The following DMGDH variants were observed in gnomAD, a reference collection of about 807,000 sequenced individuals.
The protein encoded by DMGDH is dimethylglycine dehydrogenase.
A neutral mutation model predicts 95.2 loss-of-function variants in DMGDH; 76 were observed. That is an observed-to-expected ratio of 0.80 (90% CI 0.66 to 0.97). The LOEUF is 0.97. Among genes scored for constraint, DMGDH ranks in the 50% least tolerant of loss-of-function variants. The probability of loss-of-function intolerance (pLI) is 0.00; values close to 1 mark genes in which losing one functional copy is unlikely to be tolerated. For missense variants in DMGDH, 987 were observed against 1,055.0 expected (o/e 0.94, Z 0.89); for synonymous variants, 345 against 377.6 (o/e 0.91, Z 1.00).
intron 14 of DMGDH, among the ~76,000 whole-genome samples, chr5:79,017,861 G>A (rs775930166): frequency 2.0e-4 from 30 of 152,150 alleles, no homozygotes; most frequent in Non-Finnish European, 3.2e-4. Flanking sequence ...ACAAACTGCC[G>A]GACTTCAAGC....
At chr5:79,056,497 C>T (rs1755034003) in intron 2 of DMGDH, among the ~76,000 whole-genome samples, 1 of 151,878 alleles carries the variant, frequency 6.6e-6, no homozygotes, top group African/African-American at 2.4e-5. Context: ...GAGCCAAGAT[C>T]ACGCCTCTGC....
chr5:79,029,262 T>C (rs1425672102), intron 11 of DMGDH, among the ~76,000 whole-genome samples: 1 of 152,216 alleles, frequency 6.6e-6, no homozygotes, highest in African/African-American at 2.4e-5. Context: ...CCAGTACATC[T>C]TGGATTGGAG....
chr5:79,022,502 G>T (rs1007103768), intron 14 of DMGDH, among the ~76,000 whole-genome samples: 2 of 152,178 alleles, frequency 1.3e-5, no homozygotes, highest in Non-Finnish European at 2.9e-5. Flanking sequence ...GAAAAAGACT[G>T]GCTCAGTTGG....
At chr5:79,067,967 G>C (rs1238642189) in intron 1 of DMGDH, among the ~76,000 whole-genome samples, 1 of 152,208 alleles carries the variant, frequency 6.6e-6, no homozygotes, top group Non-Finnish European at 1.5e-5. Context: ...CCAGGCTGGA[G>C]TGCAGTGGTG....
intron 10 of DMGDH, 25 bp from the exon 11 acceptor site, chr5:79,030,059 C>G: frequency 6.2e-7 from 1 of 1,601,066 alleles, no homozygotes; most frequent in South Asian, 1.1e-5. Flanking sequence ...TAAAAATTAC[C>G]TTAGGATGAA....
Position 79,063,644 on chromosome 5 carries a change from G to T in DMGDH, c.245C>A (p.Ser82Ter), listed in dbSNP as rs1432914482. The change falls in exon 2 of 16, where the codon TCA becomes TAA. Residue 82 changes from serine (S) to a stop codon, truncating the protein, a stop_gained. Transcript: ENST00000255189. LOFTEE classifies it high-confidence loss of function. ...GMKDVVLLEK[S>*]ELTAGSTWHA... ...CCAGGTAGATCCAGCCGTGAGCTCT[G>T]ATTTCTCCAGCAGGACCACATCTTT... The T allele has an allele frequency of 1.2e-6, 2 of 1,614,184 alleles. No homozygotes were observed. Among genetic ancestry groups the T allele is most frequent in the Non-Finnish European group, 1.7e-6 (2 of 1,180,030 alleles).
At chr5:79,057,676 A>C (rs908200089) in intron 2 of DMGDH, among the ~76,000 whole-genome samples, 1 of 152,196 alleles carries the variant, frequency 6.6e-6, no homozygotes, top group Non-Finnish European at 1.5e-5. Flanking sequence ...ACATGTTGGT[A>C]TCCAGTGTGC....
At chr5:79,066,386 T>C (rs786155) in intron 1 of DMGDH, among the ~76,000 whole-genome samples, 127,518 of 151,882 alleles carry the variant, frequency 0.84, 53,680 homozygotes, top group East Asian at 0.93. Context: ...CCCAGGTTCA[T>C]GCCATTCTCC....
intron 2 of DMGDH, 22 bp from the exon 3 acceptor site, chr5:79,055,930 A>C: frequency 7.0e-7 from 1 of 1,438,086 alleles, no homozygotes; most frequent in Non-Finnish European, 9.8e-7. Flanking sequence ...AGAGGAAAAG[A>C]AATACTGAAA....
At chr5:79,009,365 C>CT (rs34398829) in intron 14 of DMGDH, among the ~76,000 whole-genome samples, 18,287 of 132,382 alleles carry the variant, frequency 0.14, 1,556 homozygotes, top group Non-Finnish European at 0.19. Context: ...CTTTTCTTTT[C>CT]TTTTTTTTTT....
intron 10 of DMGDH, 115 bp from the exon 11 acceptor site, chr5:79,030,149 T>C: frequency 1.1e-6 from 1 of 882,766 alleles, no homozygotes; most frequent in South Asian, 1.8e-5. Flanking sequence ...TGAATCTTAC[T>C]GTTTGTGTCA....
At chr5:79,000,732 A>C in intron 15 of DMGDH, 1 of 628,414 alleles carries the variant, frequency 1.6e-6, no homozygotes, top group South Asian at 1.5e-5. Context: ...GAATACTTTC[A>C]CCAATATTCT....
chr5:79,061,379 G>A (rs1755207823), intron 2 of DMGDH, among the ~76,000 whole-genome samples: 1 of 152,016 alleles, frequency 6.6e-6, no homozygotes, highest in Admixed American at 6.6e-5. Context: ...TTCCAAGGGG[G>A]CCAAATAACC....
intron 2 of DMGDH, among the ~76,000 whole-genome samples, chr5:79,060,230 T>C (rs1755158628): frequency 6.6e-6 from 1 of 152,172 alleles, no homozygotes; most frequent in Admixed American, 6.6e-5. Flanking sequence ...TCCTGAATCT[T>C]TAGTCCTCAG....
chr5:79,042,026 G>A (rs965048866), intron 7 of DMGDH, among the ~76,000 whole-genome samples: 6 of 152,078 alleles, frequency 3.9e-5, no homozygotes, highest in Non-Finnish European at 8.8e-5. Context: ...GAAAGCTCCA[G>A]GAAATCATTG....
At chr5:79,062,997 C>A (rs1030352768) in intron 2 of DMGDH, among the ~76,000 whole-genome samples, 1 of 151,928 alleles carries the variant, frequency 6.6e-6, no homozygotes, top group African/African-American at 2.4e-5. Context: ...AAGGCTGAGG[C>A]AAGAGAATCG....
chr5:79,026,481 T>C lies in DMGDH; in HGVS notation c.2133A>G (p.Gly711=). 6.2e-7 allele frequency: 1 copy of C among 1,614,148 alleles called. No homozygotes were observed. The highest frequency in any genetic ancestry group is 8.5e-7 in the Non-Finnish European group (1 of 1,180,018). The change falls in exon 13 of 16, where the codon GGA becomes GGG. Residue 711 remains glycine, a synonymous_variant. Transcript: ENST00000255189. ...AGQEEGIDNF[G]TYAMNALRLE... ...GGCGTAAGGCATTCATGGCATAGGTTCCAAAATTGTCGATTCCCTCCTCCT... is the reference window on the plus strand; with the variant it reads ...GGCGTAAGGCATTCATGGCATAGGTCCCAAAATTGTCGATTCCCTCCTCCT...
rs551429668 is a variant in DMGDH, at chr5:79,035,026, C to T, written c.1194-1618G>A. On this transcript the variant is annotated intron_variant, in intron 7 of 15. Transcript: ENST00000255189. ...GAGCCGAGATCGCGCCACTGCACTCCAACCTGGGAGACACAGCGAGACTCC... is the reference window on the plus strand; with the variant it reads ...GAGCCGAGATCGCGCCACTGCACTCTAACCTGGGAGACACAGCGAGACTCC... Among the ~76,000 whole-genome samples the T allele has an allele frequency of 5.2e-5, 7 of 135,000 alleles. No homozygotes were observed. The South Asian group carries it at 1.7e-3, about 33-fold the overall frequency. 88.6% of individuals were successfully genotyped at this position (135,000 alleles called of 152,430 possible). A position where few individuals can be genotyped will look rare whatever the true frequency, so the allele number is the denominator to read the frequency against.
At chr5:79,006,590 A>G (rs1216305363) in intron 14 of DMGDH, among the ~76,000 whole-genome samples, 1 of 152,256 alleles carries the variant, frequency 6.6e-6, no homozygotes, top group Non-Finnish European at 1.5e-5. Flanking sequence ...AGAGATCACA[A>G]TGTGGAAAAC....
Sources: gnomAD v4.1 joint callset for allele counts (sites outside exome capture counted in the v4.1 genomes callset) on GRCh38, gnomAD v4.1.1 for gene constraint, MANE v1.5 for transcripts, NCBI Gene and HGNC (gene_info 2026-07-23, HGNC 2026-07-21) for gene names.